CASD1: variants seen among roughly 807,000 people sequenced by gnomAD.
CASD1 encodes CAS1 domain sialic acid O acetyltransferase 1, also known as N-acetylneuraminate (7)9-O-acetyltransferase.
A neutral mutation model predicts 100.0 loss-of-function variants in CASD1; 41 were observed. That is an observed-to-expected ratio of 0.41 (90% CI 0.32 to 0.53). The LOEUF (loss-of-function observed/expected upper bound fraction) is 0.53, where lower values mean the gene tolerates loss of function less well. Ranked by LOEUF, CASD1 falls within the 20% of genes least tolerant of loss-of-function variation. CASD1 has a pLI of 0.25. For synonymous variants in CASD1, 321 were observed against 315.6 expected (o/e 1.02, Z -0.18); for missense variants, 774 against 948.7 (o/e 0.82, Z 2.42).
At chr7:94,513,932 A>AT (rs1033499764) in intron 1 of CASD1, among the ~76,000 whole-genome samples, 1 of 152,096 alleles carries the variant, frequency 6.6e-6, no homozygotes, top group African/African-American at 2.4e-5. Flanking sequence ...TTTTAACTAT[A>AT]TTTTTTCCAA....
At chr7:94,608,098 G>T in the CASD1 span, among the ~76,000 whole-genome samples, 2 of 152,120 alleles carry the variant, frequency 1.3e-5, no homozygotes, top group Admixed American at 6.5e-5. Context: ...AATCCCAGCA[G>T]TTTTGCAGGC....
intron 10 of CASD1, among the ~76,000 whole-genome samples, chr7:94,541,236 G>T (rs1475164983): frequency 6.6e-6 from 1 of 151,776 alleles, no homozygotes; most frequent in African/African-American, 2.4e-5. Flanking sequence ...TTGATTCTTG[G>T]ATATTTGAGG....
chr7:94,629,893 C>A, the CASD1 span: 2 of 1,602,004 alleles, frequency 1.2e-6, no homozygotes, highest in Non-Finnish European at 1.7e-6. Context: ...ATGAGATACG[C>A]CCTTGATAAT....
chr7:94,521,834 C>T (rs1211697049), intron 3 of CASD1, among the ~76,000 whole-genome samples: 1 of 152,060 alleles, frequency 6.6e-6, no homozygotes, highest in African/African-American at 2.4e-5. Flanking sequence ...GCCTGTAATC[C>T]CAGCACTTTG....
At chr7:94,615,239 A>G in the CASD1 span, among the ~76,000 whole-genome samples, 5 of 152,122 alleles carry the variant, frequency 3.3e-5, no homozygotes, top group African/African-American at 1.2e-4. Context: ...GGTGCCTGTA[A>G]TCTCAGCTAA....
the CASD1 span, among the ~76,000 whole-genome samples, chr7:94,609,049 AG>A: frequency 6.6e-6 from 1 of 152,332 alleles, no homozygotes; most frequent in South Asian, 2.1e-4. Context: ...AATCCATGAA[AG>A]AAAGAATTGA....
the CASD1 span, chr7:94,599,608 A>G: frequency 9.9e-7 from 1 of 1,007,438 alleles, no homozygotes; most frequent in Non-Finnish European, 1.6e-6. Flanking sequence ...ACAAATGAAA[A>G]AAAGCTTGAC....
At chr7:94,590,378 T>C in the CASD1 span, 1 of 152,178 alleles carries the variant, frequency 6.6e-6, no homozygotes, top group Admixed American at 6.5e-5. Context: ...ATGCTGATTG[T>C]CATTGTATTC....
At chr7:94,608,206 G>A in the CASD1 span, among the ~76,000 whole-genome samples, 1 of 152,154 alleles carries the variant, frequency 6.6e-6, no homozygotes, top group Non-Finnish European at 1.5e-5. Context: ...GCTGGGCATG[G>A]TGGCACACGC....
At chr7:94,553,052 C>T (rs1796026630) in intron 16 of CASD1, 5 of 309,674 alleles carry the variant, frequency 1.6e-5, no homozygotes, top group Non-Finnish European at 3.2e-5. Flanking sequence ...TTCTTTTTAG[C>T]GTTGTACAAC....
At chr7:94,536,268 AG>A (rs1413448992) in intron 8 of CASD1, among the ~76,000 whole-genome samples, 31 of 152,276 alleles carry the variant, frequency 2.0e-4, no homozygotes, top group African/African-American at 5.5e-4. Flanking sequence ...GAATTCTTAT[AG>A]CTCTTCTATC....
At chr7:94,524,939 G>GA (rs1023980485) in intron 3 of CASD1, among the ~76,000 whole-genome samples, 4 of 152,012 alleles carry the variant, frequency 2.6e-5, no homozygotes, top group Non-Finnish European at 5.9e-5. Flanking sequence ...TGAGAAATTG[G>GA]AAAAAATTGG....
chr7:94,596,747 A>T, the CASD1 span, among the ~76,000 whole-genome samples: 1 of 152,248 alleles, frequency 6.6e-6, no homozygotes, highest in Non-Finnish European at 1.5e-5. Context: ...TCATTCATAA[A>T]CAATTTGGTT....
the CASD1 span, among the ~76,000 whole-genome samples, chr7:94,581,900 A>C: frequency 6.6e-6 from 1 of 152,170 alleles, no homozygotes; most frequent in Non-Finnish European, 1.5e-5. Context: ...CAGCAATGGG[A>C]TTGCTGGGTT....
At chr7:94,575,725 A>T in the CASD1 span, among the ~76,000 whole-genome samples, 2 of 152,174 alleles carry the variant, frequency 1.3e-5, no homozygotes, top group African/African-American at 4.8e-5. Flanking sequence ...ATTCTTCTTC[A>T]GTTTTTCAAA....
At chr7:94,539,206 C>A in intron 10 of CASD1, 150 bp downstream of exon 10, 1 of 431,518 alleles carries the variant, frequency 2.3e-6, no homozygotes. Flanking sequence ...TTCCATTTTT[C>A]TCCTCTTTGA....
chr7:94,629,388 G>T, the CASD1 span: 6 of 247,830 alleles, frequency 2.4e-5, no homozygotes, highest in South Asian at 2.5e-4. Context: ...AAAAATCAAT[G>T]TACTATGTGA....
At chr7:94,567,965 C>T in the CASD1 span, among the ~76,000 whole-genome samples, 1 of 152,060 alleles carries the variant, frequency 6.6e-6, no homozygotes, top group African/African-American at 2.4e-5. Context: ...GTATAAAGTT[C>T]ATATGATTCC....
At chr7:94,520,781 C>G (rs935529584) in intron 3 of CASD1, among the ~76,000 whole-genome samples, 65 of 152,090 alleles carry the variant, frequency 4.3e-4, no homozygotes, top group African/African-American at 1.4e-3. Flanking sequence ...CATGGTGAAA[C>G]CCCATCACTA....
Sources: gnomAD v4.1 joint callset for allele counts (sites outside exome capture counted in the v4.1 genomes callset) on GRCh38, gnomAD v4.1.1 for gene constraint, MANE v1.5 for transcripts, NCBI Gene and HGNC (gene_info 2026-07-23, HGNC 2026-07-21) for gene names.